The following PDE5A variants were observed in gnomAD, a reference collection of about 807,000 sequenced individuals.
The protein encoded by PDE5A is cGMP-specific 3',5'-cyclic phosphodiesterase.
In PDE5A, 67 loss-of-function variants were observed where a neutral mutation model predicts 110.2. That is an observed-to-expected ratio of 0.61 (90% CI 0.50 to 0.75). The LOEUF is 0.75. Ranked by LOEUF, PDE5A falls within the 30% of genes least tolerant of loss-of-function variation. The pLI is 0.00. For synonymous variants in PDE5A, 328 were observed against 351.2 expected (o/e 0.93, Z 0.74); for missense variants, 862 against 1,045.1 (o/e 0.82, Z 2.42).
At chr4:119,626,572 C>T (rs1730354354) in intron 1 of PDE5A, among the ~76,000 whole-genome samples, 1 of 152,158 alleles carries the variant, frequency 6.6e-6, no homozygotes, top group Non-Finnish European at 1.5e-5. Context: ...CGCTGTAATT[C>T]AAGGAGAGCA....
intron 3 of PDE5A, among the ~76,000 whole-genome samples, chr4:119,582,811 T>A (rs115022093): frequency 0.024 from 3,642 of 152,296 alleles, 48 homozygotes; most frequent in Admixed American, 0.032. Flanking sequence ...TTGAAAGAAA[T>A]CATTTTCCCT....
At chr4:119,554,917 G>A (rs988888104) in intron 7 of PDE5A, among the ~76,000 whole-genome samples, 1 of 152,120 alleles carries the variant, frequency 6.6e-6, no homozygotes, top group African/African-American at 2.4e-5. Flanking sequence ...TTTGGTATCT[G>A]TAGGGGTTCC....
chr4:119,613,532 G>A (rs1358631888), intron 1 of PDE5A, among the ~76,000 whole-genome samples: 1 of 151,944 alleles, frequency 6.6e-6, no homozygotes, highest in Non-Finnish European at 1.5e-5. Context: ...TATACATATT[G>A]GATGTTTCTG....
At chr4:119,554,517 C>T (rs1033801721) in intron 7 of PDE5A, among the ~76,000 whole-genome samples, 19 of 152,020 alleles carry the variant, frequency 1.2e-4, no homozygotes, top group Admixed American at 5.2e-4. Flanking sequence ...CAGGAAACTC[C>T]GTATGTTCCC....
chr4:119,520,286 T>C (rs1163869453), intron 13 of PDE5A, among the ~76,000 whole-genome samples: 1 of 152,108 alleles, frequency 6.6e-6, no homozygotes, highest in Non-Finnish European at 1.5e-5. Flanking sequence ...AGTTATATGA[T>C]GGATGCCTGG....
intron 1 of PDE5A, among the ~76,000 whole-genome samples, chr4:119,607,618 T>C (rs1446483642): frequency 6.6e-6 from 1 of 151,950 alleles, no homozygotes; most frequent in Non-Finnish European, 1.5e-5. Flanking sequence ...GTGCCTATGA[T>C]CCTAACTACT....
At chr4:119,600,369 T>C (rs938425015) in intron 2 of PDE5A, among the ~76,000 whole-genome samples, 5 of 152,110 alleles carry the variant, frequency 3.3e-5, no homozygotes, top group Non-Finnish European at 5.9e-5. Context: ...ACAATATAGA[T>C]GTGTATGTAT....
chr4:119,571,215 T>C (rs140748386), intron 3 of PDE5A, among the ~76,000 whole-genome samples: 41 of 152,328 alleles, frequency 2.7e-4, no homozygotes, highest in African/African-American at 9.6e-4. Flanking sequence ...GTTATGGTAA[T>C]ATTCCATGTG....
Position 119,596,620 on chromosome 4 carries a change from G to A in PDE5A, c.742-8C>T. On this transcript the variant is annotated splice_polypyrimidine_tract_variant and splice_region_variant and intron_variant, in intron 2 of 20. Transcript: ENST00000354960. Reference sequence around the variant, plus strand: ...TGCATTGAACCGAGGATCCTAGTATGGAAAAAGAAATTCAATTTAATGACT... The same window carrying A: ...TGCATTGAACCGAGGATCCTAGTATAGAAAAAGAAATTCAATTTAATGACT... The A allele has an allele frequency of 6.6e-7, 1 of 1,518,680 alleles. No homozygotes were observed. The highest frequency in any genetic ancestry group is 9.0e-7 in the Non-Finnish European group (1 of 1,109,502). The allele number at this position is 1,518,680 out of a possible 1,614,324, so 94.1% of individuals were successfully genotyped here.
chr4:119,552,077 A>C (rs1727375150), intron 9 of PDE5A: 2 of 152,190 alleles, frequency 1.3e-5, no homozygotes, highest in Non-Finnish European at 2.9e-5. Context: ...GTTTTTCTAT[A>C]ATCATGTTAA....
intron 15 of PDE5A, among the ~76,000 whole-genome samples, chr4:119,509,101 T>C (rs955201299): frequency 6.6e-6 from 1 of 152,048 alleles, no homozygotes; most frequent in Non-Finnish European, 1.5e-5. Context: ...ACATGACATA[T>C]ACATTCCTGA....
chr4:119,502,542 C>T, intron 19 of PDE5A, 39 bp downstream of exon 19: 2 of 1,188,228 alleles, frequency 1.7e-6, no homozygotes, highest in South Asian at 1.4e-5. Flanking sequence ...AAAAAAAAAA[C>T]AATTTGAATA....
intron 1 of PDE5A, among the ~76,000 whole-genome samples, chr4:119,623,439 G>A (rs1414971244): frequency 6.6e-6 from 1 of 152,032 alleles, no homozygotes; most frequent in Non-Finnish European, 1.5e-5. Flanking sequence ...TTGGCTGTTG[G>A]AACAAAGAAC....
chr4:119,528,678 T>G (rs1726415110), intron 11 of PDE5A: 1 of 152,078 alleles, frequency 6.6e-6, no homozygotes, highest in South Asian at 2.1e-4. Context: ...GAAGTTGGAG[T>G]AGACTATCTC....
At chr4:119,599,204 G>A (rs1473711346) in intron 2 of PDE5A, among the ~76,000 whole-genome samples, 1 of 152,036 alleles carries the variant, frequency 6.6e-6, no homozygotes, top group Non-Finnish European at 1.5e-5. Flanking sequence ...CTGCCTGCCC[G>A]AACAAATCTC....
At chr4:119,554,942 C>T (rs1338613721) in intron 7 of PDE5A, among the ~76,000 whole-genome samples, 1 of 152,122 alleles carries the variant, frequency 6.6e-6, no homozygotes, top group Non-Finnish European at 1.5e-5. Flanking sequence ...ACTAATTTCC[C>T]AAGGATACTG....
rs773189703 is a variant in PDE5A, at chr4:119,525,493, T to C, written c.1779+56A>G. 3.3e-5 allele frequency: 49 copies of C among 1,507,450 alleles called. No homozygotes were observed. Among genetic ancestry groups the C allele is most frequent in the Non-Finnish European group, 3.9e-5 (43 of 1,108,362 alleles). The allele number at this position is 1,507,450 out of a possible 1,614,324, so 93.4% of individuals were successfully genotyped here. Reference sequence around the variant, plus strand: ...TGCATTCAAAACCAATTCTCTCTCTTACATACACACACACATACACATAGA... The same window carrying C: ...TGCATTCAAAACCAATTCTCTCTCTCACATACACACACACATACACATAGA... On this transcript the variant is annotated intron_variant, in intron 12 of 20. Transcript: ENST00000354960. This position sits in a 1 kb window ranked among gnomAD's most constrained non-coding sequence, Gnocchi z 4.3.
intron 9 of PDE5A, chr4:119,550,233 TTTC>T (rs1361902157): frequency 6.6e-6 from 1 of 152,218 alleles, no homozygotes; most frequent in Non-Finnish European, 1.5e-5. Context: ...TTTCTTTTCC[TTTC>T]TTTTTATTTA....
intron 14 of PDE5A, among the ~76,000 whole-genome samples, chr4:119,517,337 C>T (rs1328252304): frequency 6.6e-6 from 1 of 151,894 alleles, no homozygotes; most frequent in Non-Finnish European, 1.5e-5. Flanking sequence ...TTATGGTACT[C>T]ATAGTTTCCT....
Sources: allele counts gnomAD v4.1 joint callset (sites outside exome capture counted in the v4.1 genomes callset), GRCh38; gene constraint gnomAD v4.1.1; non-coding constraint Gnocchi (gnomAD v3.1); transcripts MANE v1.5; gene names NCBI Gene and HGNC (gene_info 2026-07-23, HGNC 2026-07-21).